CDH2: variants seen among roughly 807,000 people sequenced by gnomAD.
CDH2 encodes cadherin-2.
CDH2 carries 17 observed loss-of-function variants against 92.0 expected under a neutral mutation model. That is an observed-to-expected ratio of 0.18 (90% CI 0.13 to 0.28). The LOEUF (loss-of-function observed/expected upper bound fraction) is 0.28. Ranked by LOEUF, CDH2 falls within the 10% of genes least tolerant of loss-of-function variation. The probability of loss-of-function intolerance (pLI) is 1.00; values close to 1 mark genes in which losing one functional copy is unlikely to be tolerated. For synonymous variants in CDH2, 419 were observed against 415.9 expected, an observed-to-expected ratio of 1.01 and a Z score of -0.09; for missense variants, 862 against 1,133.1, an observed-to-expected ratio of 0.76 and a Z score of 3.44.
At chr18:28,144,783 T>C (rs562234903) in intron 2 of CDH2, among the ~76,000 whole-genome samples, 1 of 152,214 alleles carries the variant, frequency 6.6e-6, no homozygotes, top group South Asian at 2.1e-4. Flanking sequence ...TTACATTAAA[T>C]GTTAAGGTTG....
chr18:27,945,494 T>C (rs1379865874), intron 6 of CDH2, among the ~76,000 whole-genome samples: 1 of 152,088 alleles, frequency 6.6e-6, no homozygotes, highest in Non-Finnish European at 1.5e-5. Flanking sequence ...GTTTTCCTTA[T>C]GAGTTAGTCT....
chr18:28,125,300 A>T (rs1231397755), intron 2 of CDH2, among the ~76,000 whole-genome samples: 1 of 152,236 alleles, frequency 6.6e-6, no homozygotes, highest in Non-Finnish European at 1.5e-5. Context: ...TTTACAAAGT[A>T]CCTAGGATGA....
At chr18:28,140,926 A>G (rs1365331799) in intron 2 of CDH2, among the ~76,000 whole-genome samples, 1 of 150,756 alleles carries the variant, frequency 6.6e-6, no homozygotes, top group Non-Finnish European at 1.5e-5. Context: ...ATATATATAT[A>G]GGTATGAAAT....
At chr18:27,990,400 C>T (rs1303484266) in intron 9 of CDH2, 50 bp from the exon 10 acceptor site, 5 of 1,547,822 alleles carry the variant, frequency 3.2e-6, no homozygotes, top group Non-Finnish European at 4.4e-6. Flanking sequence ...AGAATGCTTG[C>T]ATTCTGTAGT....
Position 28,166,165 on chromosome 18 carries a change from T to TATATATATATATATATATAC in CDH2, c.60+10797_60+10798insGTATATATATATATATATAT, listed in dbSNP as rs1287861366. Among the ~76,000 whole-genome samples the TATATATATATATATATATAC allele has an allele frequency of 2.6e-4, 36 of 138,096 alleles. 1 individual carries two copies. The highest frequency in any genetic ancestry group is 5.2e-4 in the Non-Finnish European group (33 of 63,188). 90.6% of individuals were successfully genotyped at this position (138,096 alleles called of 152,430 possible). On this transcript the variant is annotated intron_variant, in intron 1 of 15. Coordinates refer to ENST00000269141, the MANE Select transcript of CDH2 (RefSeq NM_001792.5). ...AGACACACTCATATATATATATATA[T>TATATATATATATATATATAC]ATATATATGTCTGTATTTTAATTAT...
At chr18:28,003,565 T>C (rs1226011351) in intron 6 of CDH2, among the ~76,000 whole-genome samples, 2 of 152,226 alleles carry the variant, frequency 1.3e-5, no homozygotes, top group African/African-American at 4.8e-5. Context: ...TTTCTTCCGT[T>C]ATGCAATGAT....
At chr18:27,952,464 T>C in intron 15 of CDH2, 105 bp from the exon 16 acceptor site, 1 of 847,456 alleles carries the variant, frequency 1.2e-6, no homozygotes, top group Non-Finnish European at 1.9e-6. Context: ...AACACTTGTT[T>C]GTAAATTTCC....
intron 2 of CDH2, among the ~76,000 whole-genome samples, chr18:28,042,907 A>G (rs2013975865): frequency 1.3e-5 from 2 of 152,216 alleles, no homozygotes; most frequent in Admixed American, 6.5e-5. Context: ...TAATGTTGAT[A>G]TTTGAAAATC....
intron 2 of CDH2, among the ~76,000 whole-genome samples, chr18:28,091,600 T>G (rs2015038619): frequency 6.6e-6 from 1 of 152,222 alleles, no homozygotes; most frequent in East Asian, 1.9e-4. Context: ...TTCCTGAAGC[T>G]TCACAGAAAA....
intron 2 of CDH2, among the ~76,000 whole-genome samples, chr18:28,145,033 T>TA: frequency 6.6e-6 from 1 of 152,146 alleles, no homozygotes; most frequent in Non-Finnish European, 1.5e-5. Context: ...GTCTCTACCT[T>TA]ACATTCAATG....
At chr18:28,047,139 G>C (rs982762506) in intron 2 of CDH2, among the ~76,000 whole-genome samples, 1 of 151,974 alleles carries the variant, frequency 6.6e-6, no homozygotes, top group Non-Finnish European at 1.5e-5. Context: ...ACAAATTACC[G>C]TCACTTCCAT....
chr18:28,156,505 T>TACAGA (rs1258336339), intron 1 of CDH2, among the ~76,000 whole-genome samples: 10 of 142,296 alleles, frequency 7.0e-5, no homozygotes, highest in East Asian at 2.0e-4. Context: ...CCTTCCCAGG[T>TACAGA]ATAGAATGTC....
intron 2 of CDH2, among the ~76,000 whole-genome samples, chr18:28,100,048 G>A (rs899020157): frequency 6.6e-6 from 1 of 152,052 alleles, no homozygotes; most frequent in Non-Finnish European, 1.5e-5. Flanking sequence ...ACTGAGTACT[G>A]ATGTTTACAA....
At position 27,959,805 on chromosome 18, in the gene CDH2, ATT is replaced by A. The variant is rs2011350126; in HGVS notation, c.2514+3550_2514+3551del. Among the ~76,000 whole-genome samples, 15 of 152,090 alleles carry A rather than the reference ATT, an allele frequency of 9.9e-5. 1 individual carries two copies. The highest frequency in any genetic ancestry group is 1.5e-5 in the Non-Finnish European group (1 of 68,036). On this transcript the variant is annotated intron_variant, in intron 15 of 15. Transcript: ENST00000269141. The stretch of plus-strand genomic sequence containing the variant: ...TCTAGGGGCATTTCTAGCTGAAGAT[ATT>A]TGATTGCTCCTCTCCTTCACATTTC...
chr18:28,071,253 T>C (rs575094274), intron 2 of CDH2, among the ~76,000 whole-genome samples: 1 of 152,228 alleles, frequency 6.6e-6, no homozygotes, highest in Admixed American at 6.5e-5. Flanking sequence ...TTTTTCCCCT[T>C]CTTTTGAGTA....
intron 2 of CDH2, among the ~76,000 whole-genome samples, chr18:28,060,657 A>T (rs888354394): frequency 6.6e-6 from 1 of 152,168 alleles, no homozygotes. Context: ...CTCATCTTCA[A>T]TTAGTAACCT....
chr18:28,041,371 A>T (rs2013944345), intron 2 of CDH2, among the ~76,000 whole-genome samples: 1 of 152,208 alleles, frequency 6.6e-6, no homozygotes, highest in South Asian at 2.1e-4. Flanking sequence ...AAACAAACAG[A>T]ATTCAATTAT....
intron 14 of CDH2, among the ~76,000 whole-genome samples, chr18:27,981,023 G>A (rs2012033334): frequency 6.6e-6 from 1 of 152,068 alleles, no homozygotes; most frequent in African/African-American, 2.4e-5. Flanking sequence ...TGGACTGGTG[G>A]GGAAAGGAGA....
At chr18:28,097,701 A>G (rs2015159698) in intron 2 of CDH2, among the ~76,000 whole-genome samples, 1 of 152,222 alleles carries the variant, frequency 6.6e-6, no homozygotes, top group South Asian at 2.1e-4. Flanking sequence ...CAGAGATTTG[A>G]GCATCTGCAG....
Sources: gnomAD v4.1 joint callset for allele counts (sites outside exome capture counted in the v4.1 genomes callset) on GRCh38, gnomAD v4.1.1 for gene constraint, MANE v1.5 for transcripts, NCBI Gene and HGNC (gene_info 2026-07-23, HGNC 2026-07-21) for gene names.